The following NDUFV1 variants were observed in gnomAD, a reference collection of about 807,000 sequenced individuals.
The protein encoded by NDUFV1 is NADH dehydrogenase [ubiquinone] flavoprotein 1, mitochondrial.
NDUFV1 carries 41 observed loss-of-function variants against 48.7 expected under a neutral mutation model. That is an observed-to-expected ratio of 0.84 (90% confidence interval 0.66 to 1.09). The LOEUF (loss-of-function observed/expected upper bound fraction) is 1.09. Among genes scored for constraint, NDUFV1 ranks in the 50% least tolerant of loss-of-function variants. The pLI, the probability that NDUFV1 is intolerant of heterozygous loss-of-function variation, is 0.00. For missense variants in NDUFV1, 580 were observed against 645.4 expected (o/e 0.90, Z 1.10); for synonymous variants, 231 against 259.1 (o/e 0.89, Z 1.04).
At position 67,607,948 on chromosome 11, in the gene NDUFV1, C is replaced by T. The variant is rs140608485; in HGVS notation, c.73-448C>T. On this transcript the variant is annotated intron_variant, in intron 1 of 9. Transcript: ENST00000322776. The stretch of plus-strand genomic sequence containing the variant: ...GCTAAACAAAATGCTTACTAATGGC[C>T]GGGCGCGGTGGCTCACGCCTGTAAT... Among the ~76,000 whole-genome samples, 873 of 152,310 alleles carry T rather than the reference C, an allele frequency of 5.7e-3. 10 individuals carry two copies. Among genetic ancestry groups the T allele is most frequent in the African/African-American group, 0.02 (817 of 41,548 alleles).
Position 67,611,355 on chromosome 11 carries a change from C to T in NDUFV1, c.914-48C>T. 6.2e-7 allele frequency: 1 copy of T among 1,607,282 alleles called. No individual in the cohort carries two copies. Among genetic ancestry groups the T allele is most frequent in the Non-Finnish European group, 8.5e-7 (1 of 1,176,856 alleles). ...GCTCAGGACTAGGCAGGTGTGCCGG[C>T]CCCAGCCCTGACCATGCATCCCTTT... On this transcript the variant is annotated intron_variant, in intron 6 of 9. Coordinates refer to ENST00000322776, the MANE Select transcript of NDUFV1 (RefSeq NM_007103.4). This position sits in a 1 kb window ranked among gnomAD's most constrained non-coding sequence, Gnocchi z 4.2.
chr11:67,610,240 T>C, intron 4 of NDUFV1, 141 bp from the exon 5 acceptor site: 3 of 914,588 alleles, frequency 3.3e-6, no homozygotes, highest in South Asian at 1.4e-5. Context: ...CAATTCGTTT[T>C]ACTAAGCTAG....
In NDUFV1 at chr11:67,608,585, C is replaced by T; in HGVS notation, c.189C>T (p.Tyr63=). The change falls in exon 3 of 10, where the codon TAC becomes TAT. Residue 63 remains tyrosine, a synonymous_variant. Coordinates refer to ENST00000322776, the MANE Select transcript of NDUFV1 (RefSeq NM_007103.4). The part of the protein sequence containing the change: ...LKGSLSRGDW[Y]KTKEILLKGP... ...GTTCCCTGAGTCGAGGTGACTGGTA[C>T]AAGACAAAGGAGATCCTGCTGAAGG... 3 of 1,614,134 alleles carry T rather than the reference C, an allele frequency of 1.9e-6. No homozygotes were observed. Among genetic ancestry groups the T allele is most frequent in the Non-Finnish European group, 2.5e-6 (3 of 1,180,018 alleles).
At chr11:67,607,151 C>G (rs977428764) in intron 1 of NDUFV1, 75 bp downstream of exon 1, 1 of 1,490,498 alleles carries the variant, frequency 6.7e-7, no homozygotes, top group African/African-American at 1.4e-5. Context: ...CGAGCAGTCC[C>G]TGGGGTCTGT....
Position 67,611,147 on chromosome 11 carries a change from C to A in NDUFV1, c.853C>A (p.Pro285Thr). ...CAACATCTCTGGCCATGTCAACCAC[C>A]CTTGCACTGTGGAGGAGGAGATGTC... is the stretch of plus-strand genomic sequence containing the variant. ...LFNISGHVNH[P>T]CTVEEEMSVP... Residue 285 changes from proline to threonine, a missense_variant, in exon 6 of 10, where the codon CCT becomes ACT. By Grantham distance (38) the Pro-to-Thr change is conservative (BLOSUM62 -1). Transcript: ENST00000322776. This position sits in a 1 kb window ranked among gnomAD's most constrained non-coding sequence, Gnocchi z 4.2. 3.7e-6 allele frequency: 6 copies of A among 1,614,232 alleles called. No individual in the cohort carries two copies. The highest frequency in any genetic ancestry group is 5.1e-6 in the Non-Finnish European group (6 of 1,180,048).
chr11:67,608,363 C>G, intron 1 of NDUFV1, 33 bp from the exon 2 acceptor site: 8 of 1,581,166 alleles, frequency 5.1e-6, no homozygotes, highest in Non-Finnish European at 7.0e-6. Flanking sequence ...GGCCCCAGAG[C>G]ACTCTGGGCC....
Position 67,607,095 on chromosome 11 carries a change from G to A in NDUFV1, c.72+19G>A. ...CGACACGGTGAGGCCCAGCCTGGCT[G>A]GGGCCACGGGTGTTTGGGGCCGGGT... On this transcript the variant is annotated intron_variant, in intron 1 of 9. Transcript: ENST00000322776. 2 of 1,599,756 alleles carry A rather than the reference G, an allele frequency of 1.3e-6. No individual in the cohort carries two copies. The highest frequency in any genetic ancestry group is 1.7e-6 in the Non-Finnish European group (2 of 1,176,956).
chr11:67,609,271 A>C (rs1030897636), intron 3 of NDUFV1, among the ~76,000 whole-genome samples, 181 bp from the exon 4 acceptor site: 14 of 152,164 alleles, frequency 9.2e-5, no homozygotes, highest in African/African-American at 3.4e-4. Flanking sequence ...CAGAATAGGC[A>C]GTGAGCTCCC....
Position 67,611,484 on chromosome 11 carries a change from G to A in NDUFV1, c.995G>A (p.Cys332Tyr). ...SSTPLIPKSV[C>Y]ETVLMDFDAL... Reference sequence around the variant, plus strand: ...ACCCCACTGATCCCCAAGTCTGTGTGTGAGACGGTGCTGATGGACTTCGAT... The same window carrying A: ...ACCCCACTGATCCCCAAGTCTGTGTATGAGACGGTGCTGATGGACTTCGAT... The change falls in exon 7 of 10, where the codon TGT becomes TAT. Residue 332 changes from cysteine (C) to tyrosine (Y), a missense_variant. Cys to Tyr is a radical substitution (Grantham distance 194, BLOSUM62 -2). Transcript: ENST00000322776. The surrounding 1 kb of genome is among the most constrained non-coding windows in gnomAD (Gnocchi z 4.2). 1 of 1,614,076 alleles carries A rather than the reference G, an allele frequency of 6.2e-7. No homozygotes were observed. Among genetic ancestry groups the A allele is most frequent in the Non-Finnish European group, 8.5e-7 (1 of 1,179,992 alleles).
chr11:67,607,130 G>C, intron 1 of NDUFV1, 54 bp downstream of exon 1: 1 of 1,548,820 alleles, frequency 6.5e-7, no homozygotes, highest in East Asian at 2.3e-5. Context: ...TGTCGCGGCC[G>C]CGCCCGTGCA....
chr11:67,610,467 C>CG lies in NDUFV1; in HGVS notation c.601dup (p.Ala201GlyfsTer17), dbSNP rs1854891809. The CG allele has an allele frequency of 6.2e-7, 1 of 1,614,044 alleles. No homozygotes were observed. The highest frequency in any genetic ancestry group is 8.5e-7 in the Non-Finnish European group (1 of 1,180,032). On this transcript the variant is annotated frameshift_variant, in exon 5 of 10. Coordinates refer to ENST00000322776, the MANE Select transcript of NDUFV1 (RefSeq NM_007103.4). LOFTEE classifies it high-confidence loss of function. ...ATGATTTTGACGTGTTTGTGGTGCG[C>CG]GGGGCTGGGGCCTACATCTGTGGAG...
chr11:67,609,661 T>TTC (rs1854877267), intron 4 of NDUFV1, 26 bp downstream of exon 4: 3 of 1,598,896 alleles, frequency 1.9e-6, no homozygotes, highest in African/African-American at 2.7e-5. Context: ...TGTAGACAGA[T>TTC]GAGAAGGTGT....
chr11:67,607,679 A>C, intron 1 of NDUFV1: 1 of 355,296 alleles, frequency 2.8e-6, no homozygotes, highest in South Asian at 2.1e-5. Context: ...CCAGGCCGGG[A>C]AAGGGCCAAG....
rs368538803 is a variant in NDUFV1 at position 67,612,394 on chromosome 11, C to T, written c.1331C>T (p.Pro444Leu). 37 of 1,613,120 alleles carry T rather than the reference C, an allele frequency of 2.3e-5. No homozygotes were observed. The highest frequency in any genetic ancestry group is 8.9e-5 in the East Asian group (4 of 44,848). Residue 444 changes from proline to leucine, a missense_variant, in exon 10 of 10, where the codon CCG (proline) becomes CTG (leucine). Coordinates refer to ENST00000322776, the MANE Select transcript of NDUFV1 (RefSeq NM_007103.4). The surrounding 1 kb of genome is among the most constrained non-coding windows in gnomAD (Gnocchi z 4.4). ...CAGGGTCTGATCCGCCACTTTCGGC[C>T]GGAGCTCGAGGAGCGGATGCAGCGG... Reference protein sequence around the residue: ...PVQGLIRHFRPELEERMQRFA... With the variant: ...PVQGLIRHFRLELEERMQRFA...
At position 67,609,437 on chromosome 11, in the gene NDUFV1, T is replaced by C; in HGVS notation, c.327-15T>C. 6.2e-7 allele frequency: 1 copy of C among 1,612,860 alleles called. No homozygotes were observed. The highest frequency in any genetic ancestry group is 1.1e-5 in the South Asian group (1 of 91,026). ...TGATGGCCCTGTAGCCTGTCTGACC[T>C]GTGGGCCCCTGCAGGCCCAAGTATC... On this transcript the variant is annotated splice_polypyrimidine_tract_variant and intron_variant, in intron 3 of 9. Transcript: ENST00000322776.
At position 67,611,750 on chromosome 11, in the gene NDUFV1, C is replaced by CCCCGG; in HGVS notation, c.1081-147_1081-146insCCCGG. On this transcript the variant is annotated intron_variant, in intron 7 of 9. Coordinates refer to ENST00000322776, the MANE Select transcript of NDUFV1 (RefSeq NM_007103.4). The surrounding 1 kb of genome is among the most constrained non-coding windows in gnomAD (Gnocchi z 4.2). The stretch of plus-strand genomic sequence containing the variant: ...AGAATACCCCGGAGTCTGGGCAGCA[C>CCCCGG]AGGGGGCCCAGGGAGGCTGGAGGAG... 7.3e-7 allele frequency: 1 copy of CCCCGG among 1,365,790 alleles called. No individual in the cohort carries two copies. Among genetic ancestry groups the CCCCGG allele is most frequent in the Non-Finnish European group, 1.0e-6 (1 of 982,518 alleles). The allele number at this position is 1,365,790 out of a possible 1,614,324, so 84.6% of individuals were successfully genotyped here.
chr11:67,606,987 C>T lies in NDUFV1; in HGVS notation c.-18C>T, dbSNP rs1196217583. 2 of 1,607,432 alleles carry T rather than the reference C, an allele frequency of 1.2e-6. No individual in the cohort carries two copies. The highest frequency in any genetic ancestry group is 1.7e-6 in the Non-Finnish European group (2 of 1,177,752). ...CTATGAAGGTGACAGCGTGAGGTGA[C>T]CCATCTGGCCCGCCGCGATGCTGGC... On this transcript the variant is annotated 5_prime_UTR_variant, in exon 1 of 10. Coordinates refer to ENST00000322776, the MANE Select transcript of NDUFV1 (RefSeq NM_007103.4).
chr11:67,610,585 A>ACGCCAGGGTT lies in NDUFV1; in HGVS notation c.700+15_700+16insCGCCAGGGTT, dbSNP rs1854894967. ...CGCAGACGTGGGTAAGGCCTGGCGT[A>ACGCCAGGGTT]ACCCTGGGTCAGACTGTGTCCTGTG... On this transcript the variant is annotated intron_variant, in intron 5 of 9. Coordinates refer to ENST00000322776, the MANE Select transcript of NDUFV1 (RefSeq NM_007103.4). 6.2e-7 allele frequency: 1 copy of ACGCCAGGGTT among 1,613,212 alleles called. No individual in the cohort carries two copies. Among genetic ancestry groups the ACGCCAGGGTT allele is most frequent in the South Asian group, 1.1e-5 (1 of 91,030 alleles).
Position 67,612,285 on chromosome 11 carries a change from G to T in NDUFV1, c.1308+20G>T. ...GTGCAGGTATTCACCACCCTTCTGC[G>T]TAGCACGGAGGGTGGGTGGCATCAA... On this transcript the variant is annotated intron_variant, in intron 9 of 9. Transcript: ENST00000322776. This position sits in a 1 kb window ranked among gnomAD's most constrained non-coding sequence, Gnocchi z 4.4. 1 of 1,613,978 alleles carries T rather than the reference G, an allele frequency of 6.2e-7. No individual in the cohort carries two copies. The highest frequency in any genetic ancestry group is 1.1e-5 in the South Asian group (1 of 91,084).
Sources: gnomAD v4.1 joint callset for allele counts (sites outside exome capture counted in the v4.1 genomes callset) on GRCh38, gnomAD v4.1.1 for gene constraint, Gnocchi (gnomAD v3.1) non-coding constraint, MANE v1.5 for transcripts, NCBI Gene and HGNC (gene_info 2026-07-23, HGNC 2026-07-21) for gene names.